LRRK2: variants seen among roughly 807,000 people sequenced by gnomAD.
LRRK2 encodes leucine-rich repeat serine/threonine-protein kinase 2.
LRRK2 carries 203 observed loss-of-function variants against 302.6 expected under a neutral mutation model. The observed-to-expected ratio is 0.67, with a 90% CI of 0.60 to 0.75. The LOEUF (loss-of-function observed/expected upper bound fraction) is 0.75. Among genes scored for constraint, LRRK2 ranks in the 30% least tolerant of loss-of-function variants. The pLI, the probability that LRRK2 is intolerant of heterozygous loss-of-function variation, is 0.00. For missense variants in LRRK2, 2,830 were observed against 2,951.0 expected (o/e 0.96, Z 0.95); for synonymous variants, 1,066 against 1,031.9 (o/e 1.03, Z -0.63).
intron 33 of LRRK2, among the ~76,000 whole-genome samples, chr12:40,317,207 C>G (rs931151115): frequency 4.6e-5 from 7 of 151,822 alleles, no homozygotes; most frequent in African/African-American, 1.7e-4. Context: ...TTAATTTGAG[C>G]CACTCAAAGT....
At chr12:40,353,132 C>T (rs1331790100) in intron 44 of LRRK2, among the ~76,000 whole-genome samples, 1 of 151,710 alleles carries the variant, frequency 6.6e-6, no homozygotes, top group African/African-American at 2.4e-5. Flanking sequence ...CGGAGACGCT[C>T]CTCACTTCCC....
intron 46 of LRRK2, among the ~76,000 whole-genome samples, chr12:40,358,309 C>T (rs980077612): frequency 6.6e-6 from 1 of 152,024 alleles, no homozygotes; most frequent in Non-Finnish European, 1.5e-5. Context: ...TTTGTCTAGA[C>T]CAATGTTCTG....
At chr12:40,353,034 G>T (rs1474206586) in intron 44 of LRRK2, among the ~76,000 whole-genome samples, 1 of 151,894 alleles carries the variant, frequency 6.6e-6, no homozygotes, top group African/African-American at 2.4e-5. Flanking sequence ...CAGAAGGGGC[G>T]GCCGGGCAGA....
intron 25 of LRRK2, among the ~76,000 whole-genome samples, chr12:40,302,329 C>T (rs868077973): frequency 4.6e-5 from 7 of 151,776 alleles, no homozygotes; most frequent in South Asian, 4.2e-4. Flanking sequence ...TAAATAACAC[C>T]CATTATTATT....
chr12:40,238,833 A>T (rs545323642), intron 5 of LRRK2, among the ~76,000 whole-genome samples: 1 of 152,330 alleles, frequency 6.6e-6, no homozygotes, highest in South Asian at 2.1e-4. Context: ...AATGGGATAG[A>T]TCACCTGATA....
intron 20 of LRRK2, among the ~76,000 whole-genome samples, chr12:40,289,393 T>C (rs2013377730): frequency 6.6e-6 from 1 of 151,416 alleles, no homozygotes; most frequent in Admixed American, 6.6e-5. Flanking sequence ...CTAGGTTCTT[T>C]GCATTTCCAT....
At chr12:40,293,380 G>A (rs1944238304) in intron 20 of LRRK2, among the ~76,000 whole-genome samples, 165 bp from the exon 21 acceptor site, 1 of 151,892 alleles carries the variant, frequency 6.6e-6, no homozygotes. Context: ...AAACCAACAT[G>A]GCTTATCATC....
rs779085159 is a variant in LRRK2, at chr12:40,299,178, C to G, written c.3417C>G (p.Asn1139Lys). 6.2e-7 allele frequency: 1 copy of G among 1,613,420 alleles called. No homozygotes were observed. The highest frequency in any genetic ancestry group is 8.5e-7 in the Non-Finnish European group (1 of 1,179,764). Residue 1139 changes from asparagine to lysine, a missense_variant, in exon 25 of 51, where the codon AAC becomes AAG. By Grantham distance (94) the Asn-to-Lys change is moderately conservative (BLOSUM62 0). This residue lies in a region of LRRK2 where 2,121 missense variants were observed against 2,148.0 expected (regional missense o/e 0.99). Coordinates refer to ENST00000298910, the MANE Select transcript of LRRK2 (RefSeq NM_198578.4). The part of the protein sequence containing the change: ...KELKILNLSK[N>K]HISSLSENFL... ...TGAAGATTTTAAACCTTAGTAAGAA[C>G]CACATTTCATCCCTATCAGAGAACT...
intron 14 of LRRK2, among the ~76,000 whole-genome samples, chr12:40,273,953 C>T (rs140022653): frequency 1.3e-5 from 2 of 152,066 alleles, no homozygotes; most frequent in Admixed American, 6.6e-5. Flanking sequence ...TGGATGATGT[C>T]GTAATTAAGA....
At chr12:40,313,940 A>G in intron 31 of LRRK2, 32 bp from the exon 32 acceptor site, 3 of 1,595,556 alleles carry the variant, frequency 1.9e-6, no homozygotes, top group Non-Finnish European at 2.6e-6. Flanking sequence ...AATAAAATAG[A>G]TTTTTACGGC....
intron 44 of LRRK2, among the ~76,000 whole-genome samples, chr12:40,353,668 C>G (rs535138308): frequency 6.6e-6 from 1 of 152,208 alleles, no homozygotes; most frequent in Non-Finnish European, 1.5e-5. Flanking sequence ...GCCAAGATCA[C>G]GCCACTGCAC....
At chr12:40,336,833 T>G (rs891726252) in intron 40 of LRRK2, among the ~76,000 whole-genome samples, 2 of 152,206 alleles carry the variant, frequency 1.3e-5, no homozygotes, top group African/African-American at 2.4e-5. Flanking sequence ...GTGCCCTCTT[T>G]CCTTCATTTA....
intron 13 of LRRK2, among the ~76,000 whole-genome samples, chr12:40,261,843 G>T (rs1942790430): frequency 6.6e-6 from 1 of 152,062 alleles, no homozygotes; most frequent in Non-Finnish European, 1.5e-5. Context: ...TCCAATTAAG[G>T]ATAGCATATT....
intron 46 of LRRK2, among the ~76,000 whole-genome samples, chr12:40,357,166 A>G (rs1418708095): frequency 7.9e-5 from 12 of 152,196 alleles, no homozygotes; most frequent in African/African-American, 2.4e-4. Context: ...TTTAGCTCCC[A>G]CATATGAGTG....
At chr12:40,294,632 A>G (rs529229640) in intron 21 of LRRK2, among the ~76,000 whole-genome samples, 8 of 152,170 alleles carry the variant, frequency 5.3e-5, no homozygotes, top group African/African-American at 1.9e-4. Context: ...TTTAAAACAA[A>G]GGAGAAAGAG....
intron 28 of LRRK2, among the ~76,000 whole-genome samples, chr12:40,306,474 G>C (rs768375774): frequency 4.6e-5 from 7 of 152,104 alleles, no homozygotes; most frequent in African/African-American, 7.2e-5. Flanking sequence ...AAGTATCACT[G>C]TTTCTGGTCT....
At position 40,242,189 on chromosome 12, in the gene LRRK2, C is replaced by T. The variant is rs569909428; in HGVS notation, c.707-1361C>T. Among the ~76,000 whole-genome samples the T allele has an allele frequency of 2.6e-3, 402 of 152,186 alleles. 2 individuals carry two copies. Among genetic ancestry groups the T allele is most frequent in the Middle Eastern group, 0.014 (4 of 294 alleles). On this transcript the variant is annotated intron_variant, in intron 6 of 50. Transcript: ENST00000298910. ...AACATTTGCTTTTCAGTCTTTAAGT[C>T]TATTGTTCTGAGTCAAAGCAGTTCA...
chr12:40,238,120 A>G lies in LRRK2; in HGVS notation c.571+17A>G, dbSNP rs1230517811. 1 of 1,612,162 alleles carries G rather than the reference A, an allele frequency of 6.2e-7. No individual in the cohort carries two copies. The highest frequency in any genetic ancestry group is 8.5e-7 in the Non-Finnish European group (1 of 1,179,014). On this transcript the variant is annotated intron_variant, in intron 5 of 50. Coordinates refer to ENST00000298910, the MANE Select transcript of LRRK2 (RefSeq NM_198578.4). ...TTGAGAGAGGTATTTTAAAATGTCA[A>G]ATTCCTTAAAGTATATATAAGAAAA...
intron 24 of LRRK2, 139 bp downstream of exon 24, chr12:40,298,632 C>T (rs571367643): frequency 2.9e-5 from 30 of 1,047,040 alleles, no homozygotes; most frequent in Non-Finnish European, 3.7e-5. Flanking sequence ...ATTAGCCCAG[C>T]GTGGTGGTGC....
Sources: allele counts gnomAD v4.1 joint callset (sites outside exome capture counted in the v4.1 genomes callset), GRCh38; gene constraint gnomAD v4.1.1; regional missense constraint gnomAD v4.1.1; transcripts MANE v1.5; gene names NCBI Gene and HGNC (gene_info 2026-07-23, HGNC 2026-07-21).